The following METTL15 variants were observed in gnomAD, a reference collection of about 807,000 sequenced individuals.
The protein encoded by METTL15 is methyltransferase 15, mitochondrial 12S rRNA N4-cytidine.
In METTL15, 34 loss-of-function variants were observed where a neutral mutation model predicts 38.3. The observed-to-expected ratio is 0.89, with a 90% CI of 0.68 to 1.18. The LOEUF is 1.18. Among genes scored for constraint, METTL15 ranks in the 50% most tolerant of loss-of-function variants. The pLI is 0.00. For synonymous variants in METTL15, 162 were observed against 170.9 expected (o/e 0.95, Z 0.41); for missense variants, 438 against 498.4 (o/e 0.88, Z 1.15).
intron 6 of METTL15, among the ~76,000 whole-genome samples, chr11:28,443,243 C>T (rs1361802932): frequency 2.0e-5 from 3 of 151,832 alleles, no homozygotes; most frequent in African/African-American, 4.9e-5. Flanking sequence ...TGATCATTCC[C>T]TTTGTGATTC....
chr11:28,325,470 T>C (rs542042462), intron 6 of METTL15, among the ~76,000 whole-genome samples: 1 of 152,310 alleles, frequency 6.6e-6, no homozygotes, highest in African/African-American at 2.4e-5. Context: ...TATACAGGCT[T>C]GGCACACAGG....
chr11:28,186,375 A>T (rs1303901156), intron 3 of METTL15, among the ~76,000 whole-genome samples: 1 of 151,254 alleles, frequency 6.6e-6, no homozygotes. Flanking sequence ...AAATGATTTT[A>T]TGTCTTCAGA....
At chr11:28,183,623 G>A (rs949662247) in intron 3 of METTL15, among the ~76,000 whole-genome samples, 3 of 152,030 alleles carry the variant, frequency 2.0e-5, no homozygotes, top group African/African-American at 7.2e-5. Flanking sequence ...TGATCGTGGT[G>A]GATAAGCTTT....
intron 5 of METTL15, among the ~76,000 whole-genome samples, chr11:28,409,246 G>A (rs1182589806): frequency 6.6e-6 from 1 of 151,770 alleles, no homozygotes; most frequent in Non-Finnish European, 1.5e-5. Flanking sequence ...GCCTGGCGGG[G>A]TGACAGGCGC....
intron 6 of METTL15, among the ~76,000 whole-genome samples, chr11:28,450,409 T>C (rs1235562405): frequency 6.6e-6 from 1 of 152,238 alleles, no homozygotes; most frequent in Non-Finnish European, 1.5e-5. Context: ...AAATAAATTT[T>C]CTTTTTCTAA....
At chr11:28,235,502 C>G (rs370273574) in intron 4 of METTL15, among the ~76,000 whole-genome samples, 23 of 151,962 alleles carry the variant, frequency 1.5e-4, no homozygotes, top group East Asian at 9.7e-4. Context: ...TTTGTAGTTC[C>G]CCTTGAAGAG....
In METTL15 at chr11:28,174,687, C is replaced by A. The variant is rs556517869; in HGVS notation, c.271-36375C>A. ...AAAAATTGCTGGGCGTGGTGGCAGG[C>A]GCCTGTAGTCCCAGCTACTCAGGAG... On this transcript the variant is annotated intron_variant, in intron 3 of 6. Transcript: ENST00000407364. Among the ~76,000 whole-genome samples the A allele has an allele frequency of 1.5e-4, 23 of 151,684 alleles. No homozygotes were observed. The East Asian group carries it at 4.3e-3, about 28-fold the overall frequency.
At chr11:28,406,128 T>C (rs1850671741) in intron 5 of METTL15, among the ~76,000 whole-genome samples, 1 of 152,204 alleles carries the variant, frequency 6.6e-6, no homozygotes, top group South Asian at 2.1e-4. Flanking sequence ...AATAGTTTTT[T>C]TTCTAATTCT....
At chr11:28,196,423 G>T (rs1308407513) in intron 3 of METTL15, among the ~76,000 whole-genome samples, 1 of 151,648 alleles carries the variant, frequency 6.6e-6, no homozygotes, top group South Asian at 2.1e-4. Flanking sequence ...TCACCTCCTT[G>T]GTTAATATAT....
chr11:28,489,752 C>T (rs1851478311), intron 6 of METTL15, among the ~76,000 whole-genome samples: 2 of 151,954 alleles, frequency 1.3e-5, no homozygotes. Flanking sequence ...GCCTCAGGTT[C>T]GTCAGCTATA....
chr11:28,399,862 T>G (rs1284452103), intron 5 of METTL15, among the ~76,000 whole-genome samples: 2 of 151,942 alleles, frequency 1.3e-5, no homozygotes, highest in African/African-American at 4.8e-5. Context: ...AAACTTTTCT[T>G]GGGTTAACAT....
At chr11:28,318,913 G>GTGGGTTTAA (rs1849363432) in intron 6 of METTL15, among the ~76,000 whole-genome samples, 1 of 152,094 alleles carries the variant, frequency 6.6e-6, no homozygotes, top group East Asian at 1.9e-4. Context: ...CCACTATCAA[G>GTGGGTTTAA]AAAGCAGATG....
chr11:28,365,592 T>C (rs763693374), intron 5 of METTL15, among the ~76,000 whole-genome samples: 25 of 152,298 alleles, frequency 1.6e-4, no homozygotes, highest in African/African-American at 5.5e-4. Context: ...CTGCTTTCTA[T>C]GTTAATTACA....
chr11:28,390,417 G>A (rs1850490952), intron 5 of METTL15, among the ~76,000 whole-genome samples: 1 of 151,936 alleles, frequency 6.6e-6, no homozygotes, highest in East Asian at 1.9e-4. Context: ...AAGGTGTAAG[G>A]AAGGGATCCA....
chr11:28,421,225 T>C (rs1301740662), intron 5 of METTL15, among the ~76,000 whole-genome samples: 1 of 151,774 alleles, frequency 6.6e-6, no homozygotes, highest in East Asian at 1.9e-4. Context: ...ATAAAAAACA[T>C]CTCCCAGCAG....
intron 3 of METTL15, among the ~76,000 whole-genome samples, chr11:28,157,132 T>A (rs1158329192): frequency 6.6e-6 from 1 of 152,218 alleles, no homozygotes; most frequent in Non-Finnish European, 1.5e-5. Flanking sequence ...GGAGAGGTAT[T>A]CCTTCTAAAG....
intron 6 of METTL15, among the ~76,000 whole-genome samples, chr11:28,314,266 A>G (rs1857404041): frequency 6.6e-6 from 1 of 152,200 alleles, no homozygotes. Context: ...TTTGAAGAAC[A>G]TTTGTAATAC....
intron 4 of METTL15, among the ~76,000 whole-genome samples, chr11:28,245,111 C>T (rs907393725): frequency 2.0e-5 from 3 of 152,130 alleles, no homozygotes; most frequent in African/African-American, 7.2e-5. Flanking sequence ...TGGGCTGTAT[C>T]CGTTGGGAAT....
chr11:28,215,074 A>C (rs1341724811), intron 4 of METTL15, among the ~76,000 whole-genome samples: 2 of 152,220 alleles, frequency 1.3e-5, no homozygotes, highest in Non-Finnish European at 2.9e-5. Flanking sequence ...TAAATTCAAT[A>C]AAGTATGGAG....
Sources: gnomAD v4.1 joint callset for allele counts (sites outside exome capture counted in the v4.1 genomes callset) on GRCh38, gnomAD v4.1.1 for gene constraint, MANE v1.5 for transcripts, NCBI Gene and HGNC (gene_info 2026-07-23, HGNC 2026-07-21) for gene names.